Variants in CHL1 observed in about 807,000 individuals in gnomAD.
The protein encoded by CHL1 is neural cell adhesion molecule L1-like protein.
CHL1 carries 96 observed loss-of-function variants against 141.9 expected under a neutral mutation model. The observed-to-expected ratio is 0.68, with a 90% CI of 0.57 to 0.80. CHL1 has a LOEUF of 0.80. CHL1 is among the 30% of genes least tolerant of loss of function. CHL1 has a pLI of 0.00. For synonymous variants in CHL1, 613 were observed against 502.2 expected, an observed-to-expected ratio of 1.22 and a Z score of -2.95; for missense variants, 1,820 against 1,457.2, an observed-to-expected ratio of 1.25 and a Z score of -4.05.
intron 13 of CHL1, among the ~76,000 whole-genome samples, chr3:362,345 T>G (rs1216500973): frequency 6.6e-6 from 1 of 152,206 alleles, no homozygotes; most frequent in Admixed American, 6.5e-5. Context: ...AATAATTTTG[T>G]CATTGGTCTG....
At chr3:249,674 A>T (rs1303680939) in intron 2 of CHL1, among the ~76,000 whole-genome samples, 1 of 152,172 alleles carries the variant, frequency 6.6e-6, no homozygotes, top group Non-Finnish European at 1.5e-5. Flanking sequence ...TTCTCTTCAC[A>T]GTTGCAAACA....
chr3:310,695 C>T (rs1372050914), intron 2 of CHL1, among the ~76,000 whole-genome samples: 1 of 152,192 alleles, frequency 6.6e-6, no homozygotes, highest in East Asian at 1.9e-4. Context: ...ACACCACCAG[C>T]AGTGTGCATT....
At chr3:344,855 T>G in intron 9 of CHL1, 146 bp downstream of exon 9, 1 of 749,682 alleles carries the variant, frequency 1.3e-6, no homozygotes, top group Non-Finnish European at 2.0e-6. Flanking sequence ...GCAGATATTC[T>G]GCTCAGGACT....
chr3:282,381 G>T (rs2125301380), intron 2 of CHL1, among the ~76,000 whole-genome samples: 1 of 152,246 alleles, frequency 6.6e-6, no homozygotes, highest in Middle Eastern at 3.4e-3. Context: ...TCGGATAGAA[G>T]AAAAGAGTTA....
At chr3:383,386 A>C (rs563047779) in intron 18 of CHL1, among the ~76,000 whole-genome samples, 8 of 152,316 alleles carry the variant, frequency 5.3e-5, no homozygotes, top group Admixed American at 5.2e-4. Context: ...TTGGCTGCTG[A>C]TATTAATACA....
At position 394,679 on chromosome 3, in the gene CHL1, G is replaced by T. The variant is rs1331406853; in HGVS notation, c.2915-14G>T. 1 of 1,582,854 alleles carries T rather than the reference G, an allele frequency of 6.3e-7. No homozygotes were observed. Among genetic ancestry groups the T allele is most frequent in the South Asian group, 1.1e-5 (1 of 88,560 alleles). On this transcript the variant is annotated splice_polypyrimidine_tract_variant and intron_variant, in intron 23 of 27. Transcript: ENST00000256509. ...TAAATACATTTGAGCTGTTGTTCAT[G>T]TTTATTTTTTTAGTAAATGACACCT...
rs749904904 is a variant in CHL1 at position 377,877 on chromosome 3, T to G, written c.1811T>G (p.Ile604Ser). Reference protein sequence around the residue: ...ISNVTLEDQGIYCCSAHTALD... With the variant: ...ISNVTLEDQGSYCCSAHTALD... ...AATGTAACTTTAGAGGACCAAGGTA[T>G]TTACTGCTGTTCAGCTCATACTGCT... The change falls in exon 16 of 28, where the codon ATT (isoleucine) becomes AGT (serine). Residue 604 changes from isoleucine to serine, a missense_variant. Physicochemically the swap from Ile to Ser is moderately radical, Grantham distance 142. Coordinates refer to ENST00000256509, the MANE Select transcript of CHL1 (RefSeq NM_006614.4). 2 of 1,612,630 alleles carry G rather than the reference T, an allele frequency of 1.2e-6. No homozygotes were observed. The highest frequency in any genetic ancestry group is 2.2e-5 in the South Asian group (2 of 90,982).
intron 1 of CHL1, among the ~76,000 whole-genome samples, chr3:243,483 G>T (rs893925367): frequency 6.6e-6 from 1 of 152,126 alleles, no homozygotes; most frequent in Non-Finnish European, 1.5e-5. Context: ...CTGAAAAGAG[G>T]TTACTAAACA....
intron 2 of CHL1, among the ~76,000 whole-genome samples, chr3:307,782 A>G (rs1484165614): frequency 6.6e-6 from 1 of 152,212 alleles, no homozygotes; most frequent in South Asian, 2.1e-4. Flanking sequence ...CAGTGCTGCT[A>G]CATTTGACTA....
intron 27 of CHL1, among the ~76,000 whole-genome samples, chr3:404,599 C>A (rs1410852422): frequency 2.6e-5 from 4 of 152,040 alleles, no homozygotes; most frequent in African/African-American, 9.7e-5. Context: ...CCAGCCATTT[C>A]TTTCTGTCTT....
chr3:384,725 T>A (rs1280151523), intron 19 of CHL1: 1 of 152,204 alleles, frequency 6.6e-6, no homozygotes, highest in East Asian at 1.9e-4. Context: ...GCCTCCAACA[T>A]TGAATTTATA....
In CHL1 at chr3:405,620, G is replaced by T; in HGVS notation, c.3584G>T (p.Gly1195Val). Reference protein sequence around the residue: ...EGDHGLFSEDGSFIGAYAGSK... With the variant: ...EGDHGLFSEDVSFIGAYAGSK... Reference sequence around the variant, plus strand: ...GACCATGGTCTCTTCAGTGAAGATGGATCATTTATTGGTGCCTACGCTGGA... The same window carrying T: ...GACCATGGTCTCTTCAGTGAAGATGTATCATTTATTGGTGCCTACGCTGGA... Residue 1195 changes from glycine (G) to valine (V), a missense_variant, in exon 28 of 28, where the codon GGA becomes GTA. Gly to Val is a moderately radical substitution (Grantham distance 109). Coordinates refer to ENST00000256509, the MANE Select transcript of CHL1 (RefSeq NM_006614.4). 6.2e-7 allele frequency: 1 copy of T among 1,613,548 alleles called. No individual in the cohort carries two copies. Among genetic ancestry groups the T allele is most frequent in the African/African-American group, 1.3e-5 (1 of 74,998 alleles).
chr3:244,743 A>G (rs1376415306), intron 2 of CHL1, 51 bp downstream of exon 2: 1 of 152,172 alleles, frequency 6.6e-6, no homozygotes, highest in African/African-American at 2.4e-5. Context: ...GATTGTATTT[A>G]ATTATTGCAG....
intron 2 of CHL1, among the ~76,000 whole-genome samples, chr3:296,708 T>C (rs1698218400): frequency 6.6e-6 from 1 of 152,194 alleles, no homozygotes; most frequent in Non-Finnish European, 1.5e-5. Context: ...GAAGTTATTT[T>C]TAAAATGGAA....
rs1015194732 is a variant in CHL1, at chr3:221,614, A to T, written c.-174-22999A>T. Among the ~76,000 whole-genome samples, 3 of 152,256 alleles carry T rather than the reference A, an allele frequency of 2.0e-5. No homozygotes were observed. In the East Asian group the frequency reaches 5.8e-4, roughly 29 times the overall value. ...AAGAGGAAAAGTAGAGGGAATTCGC[A>T]TGAGCAACACCTCAGTACTTAACAG... is the stretch of plus-strand genomic sequence containing the variant. On this transcript the variant is annotated intron_variant, in intron 1 of 27. Transcript: ENST00000256509.
At chr3:397,689 A>C (rs933334743) in intron 24 of CHL1, among the ~76,000 whole-genome samples, 2 of 152,144 alleles carry the variant, frequency 1.3e-5, no homozygotes, top group African/African-American at 4.8e-5. Context: ...AATGTCAGTA[A>C]AACCATTCCA....
chr3:322,072 TC>T (rs1408619462), intron 3 of CHL1, among the ~76,000 whole-genome samples: 2 of 152,040 alleles, frequency 1.3e-5, no homozygotes, highest in Non-Finnish European at 2.9e-5. Context: ...CTGTGTATCA[TC>T]CCTCACCGTT....
intron 9 of CHL1, among the ~76,000 whole-genome samples, chr3:346,912 T>G (rs887937658): frequency 2.0e-5 from 3 of 152,180 alleles, no homozygotes; most frequent in Non-Finnish European, 4.4e-5. Context: ...ACTAGTCTAA[T>G]TGTCTAATAC....
intron 2 of CHL1, among the ~76,000 whole-genome samples, chr3:301,531 T>C (rs1575003396): frequency 6.6e-6 from 1 of 152,128 alleles, no homozygotes; most frequent in East Asian, 1.9e-4. Flanking sequence ...TTAATGGTGG[T>C]GATTTTGGTT....
Sources: allele counts gnomAD v4.1 joint callset (sites outside exome capture counted in the v4.1 genomes callset), GRCh38; gene constraint gnomAD v4.1.1; transcripts MANE v1.5; gene names NCBI Gene and HGNC (gene_info 2026-07-23, HGNC 2026-07-21).